SLC39A11: variants seen among roughly 807,000 people sequenced by gnomAD.
SLC39A11 encodes the protein solute carrier family 39 member 11.
SLC39A11 carries 33 observed loss-of-function variants against 36.1 expected under a neutral mutation model. The observed-to-expected ratio is 0.91, with a 90% CI of 0.69 to 1.22. The LOEUF (loss-of-function observed/expected upper bound fraction) is 1.22. Ranked by LOEUF, SLC39A11 falls within the 50% of genes most tolerant of loss-of-function variation. The pLI, the probability that SLC39A11 is intolerant of heterozygous loss-of-function variation, is 0.00. For missense variants in SLC39A11, 432 were observed against 430.3 expected (o/e 1.00, Z -0.03); for synonymous variants, 166 against 170.3 (o/e 0.97, Z 0.20).
intron 3 of SLC39A11, among the ~76,000 whole-genome samples, chr17:73,042,709 T>C (rs527748266): frequency 1.7e-4 from 26 of 152,106 alleles, no homozygotes; most frequent in African/African-American, 6.0e-4. Flanking sequence ...GCTGAGGCAG[T>C]AAGAATTGCT....
intron 4 of SLC39A11, among the ~76,000 whole-genome samples, chr17:73,024,351 T>C (rs1041919276): frequency 1.3e-5 from 2 of 152,252 alleles, no homozygotes; most frequent in South Asian, 4.1e-4. Context: ...ATCCTAAAAA[T>C]GGGGCAAAGG....
Position 72,698,272 on chromosome 17 carries a change from G to C in SLC39A11, c.671+38378C>G, listed in dbSNP as rs370647236. Among the ~76,000 whole-genome samples, 20 of 152,228 alleles carry C rather than the reference G, an allele frequency of 1.3e-4. No homozygotes were observed. The East Asian group carries it at 3.3e-3, about 25-fold the overall frequency. On this transcript the variant is annotated intron_variant, in intron 7 of 9. Coordinates refer to ENST00000255559, the MANE Select transcript of SLC39A11 (RefSeq NM_139177.4). ...AGTTGAATGTAATTATAAGATGTTA[G>C]GTTTGTCTCTAAATAGCTCAGAACT...
At chr17:72,841,351 C>T (rs571633051) in intron 6 of SLC39A11, among the ~76,000 whole-genome samples, 47 of 152,188 alleles carry the variant, frequency 3.1e-4, no homozygotes, top group Non-Finnish European at 5.4e-4. Flanking sequence ...CACACAATGG[C>T]GTATTATTCA....
At chr17:72,721,757 T>C (rs144469162) in intron 7 of SLC39A11, among the ~76,000 whole-genome samples, 20 of 151,880 alleles carry the variant, frequency 1.3e-4, no homozygotes, top group African/African-American at 4.8e-4. Flanking sequence ...ATCACTTGAG[T>C]TCAGGAGTTT....
At chr17:72,801,474 G>A (rs573020670) in intron 6 of SLC39A11, among the ~76,000 whole-genome samples, 18 of 152,218 alleles carry the variant, frequency 1.2e-4, no homozygotes, top group African/African-American at 2.4e-4. Context: ...TGATCCTCCC[G>A]CCTCAGCCTC....
At position 73,062,008 on chromosome 17, in the gene SLC39A11, CA is replaced by C. The variant is rs1375687628; in HGVS notation, c.147+22799del. Among the ~76,000 whole-genome samples the C allele has an allele frequency of 2.6e-5, 4 of 151,148 alleles. No homozygotes were observed. In the East Asian group the frequency reaches 7.8e-4, roughly 29 times the overall value. On this transcript the variant is annotated intron_variant, in intron 3 of 9. Coordinates refer to ENST00000255559, the MANE Select transcript of SLC39A11 (RefSeq NM_139177.4). The stretch of plus-strand genomic sequence containing the variant: ...ACTGAAACCCTGCCTCAAAACAAAA[CA>C]AAAAAAATCCTCTGTTCCATGACTC...
chr17:72,967,890 G>A (rs10512592), intron 4 of SLC39A11, among the ~76,000 whole-genome samples: 6,410 of 152,212 alleles, frequency 0.042, 152 homozygotes, highest in Non-Finnish European at 0.057. Context: ...TAAGGAGGGC[G>A]CTTTCCTCTC....
intron 7 of SLC39A11, among the ~76,000 whole-genome samples, chr17:72,684,491 G>A (rs988266444): frequency 5.3e-5 from 8 of 152,306 alleles, no homozygotes; most frequent in Admixed American, 2.0e-4. Context: ...TGCTAGCACC[G>A]ACCACAGTGA....
chr17:72,997,183 G>A lies in SLC39A11; in HGVS notation c.306+34373C>T, dbSNP rs182711141. On this transcript the variant is annotated intron_variant, in intron 4 of 9. Coordinates refer to ENST00000255559, the MANE Select transcript of SLC39A11 (RefSeq NM_139177.4). Reference sequence around the variant, plus strand: ...GGGTTGTCATGCAGCAATAGTTAACGAATGCATACACTTTGTGCCACAGCA... The same window carrying A: ...GGGTTGTCATGCAGCAATAGTTAACAAATGCATACACTTTGTGCCACAGCA... 3.9e-3 allele frequency among the ~76,000 whole-genome samples: 587 copies of A among 152,082 alleles called. 9 individuals carry two copies. The highest frequency in any genetic ancestry group is 0.013 in the African/African-American group (543 of 41,480).
chr17:72,831,659 C>A (rs1015073231), intron 6 of SLC39A11, among the ~76,000 whole-genome samples: 6 of 152,340 alleles, frequency 3.9e-5, no homozygotes, highest in East Asian at 1.9e-4. Context: ...AATTTCCCAA[C>A]TTTATTTCAT....
At chr17:72,714,687 T>A (rs1319242297) in intron 7 of SLC39A11, among the ~76,000 whole-genome samples, 2 of 152,222 alleles carry the variant, frequency 1.3e-5, no homozygotes, top group East Asian at 3.9e-4. Context: ...ACACCGTGTC[T>A]GTGTTGAGCC....
intron 7 of SLC39A11, among the ~76,000 whole-genome samples, chr17:72,653,110 C>CTT (rs72059767): frequency 7.8e-4 from 111 of 142,574 alleles, no homozygotes; most frequent in South Asian, 1.3e-3. Flanking sequence ...CTTTTTTTTT[C>CTT]TTTTTTTTTT....
intron 6 of SLC39A11, among the ~76,000 whole-genome samples, chr17:72,847,971 T>C (rs983304996): frequency 2.6e-5 from 4 of 152,202 alleles, no homozygotes; most frequent in African/African-American, 9.7e-5. Context: ...GGGAAGATTA[T>C]TGCTCAAACT....
At chr17:72,909,331 G>A (rs964821439) in intron 5 of SLC39A11, among the ~76,000 whole-genome samples, 3 of 152,200 alleles carry the variant, frequency 2.0e-5, no homozygotes, top group Middle Eastern at 3.2e-3. Context: ...GGAGAGTCAC[G>A]TTGCCTGTTA....
chr17:72,695,802 C>A (rs73349452), intron 7 of SLC39A11, among the ~76,000 whole-genome samples: 1 of 152,094 alleles, frequency 6.6e-6, no homozygotes, highest in Admixed American at 6.5e-5. Flanking sequence ...CGGAATGATG[C>A]GGCCACCAGC....
chr17:72,670,136 GTA>G (rs2070943046), intron 7 of SLC39A11, among the ~76,000 whole-genome samples: 1 of 129,256 alleles, frequency 7.7e-6, no homozygotes, highest in Non-Finnish European at 1.7e-5. Context: ...GTAGAGATAC[GTA>G]TACACACACA....
intron 7 of SLC39A11, among the ~76,000 whole-genome samples, chr17:72,706,551 CAAAT>C (rs1301756193): frequency 6.6e-6 from 1 of 152,166 alleles, no homozygotes; most frequent in African/African-American, 2.4e-5. Flanking sequence ...AGTGGCAAAA[CAAAT>C]AATTACTGAG....
intron 5 of SLC39A11, among the ~76,000 whole-genome samples, chr17:72,856,359 A>T (rs935529270): frequency 2.6e-5 from 4 of 152,234 alleles, no homozygotes; most frequent in African/African-American, 4.8e-5. Context: ...CTTTTGAAAG[A>T]TGCCTGCTGC....
chr17:73,088,673 A>G lies in SLC39A11; in HGVS notation c.92T>C (p.Val31Ala). The change falls in exon 2 of 10, where the codon GTA becomes GCA. Residue 31 changes from valine to alanine, a missense_variant. Val to Ala is a moderately conservative substitution (Grantham distance 64). Coordinates refer to ENST00000255559, the MANE Select transcript of SLC39A11 (RefSeq NM_139177.4). The part of the protein sequence containing the change: ...MTAAGAALVF[V>A]FSSGQRRILD... ...GCAACTCACCTGTCCACTAGAGAATACGAACACGAGAGCTGCCCCAGCTGC... is the reference window on the plus strand; with the variant it reads ...GCAACTCACCTGTCCACTAGAGAATGCGAACACGAGAGCTGCCCCAGCTGC... 6.2e-7 allele frequency: 1 copy of G among 1,612,434 alleles called. No homozygotes were observed. Among genetic ancestry groups the G allele is most frequent in the South Asian group, 1.1e-5 (1 of 90,614 alleles).
Sources: gnomAD v4.1 joint callset for allele counts (sites outside exome capture counted in the v4.1 genomes callset) on GRCh38, gnomAD v4.1.1 for gene constraint, MANE v1.5 for transcripts, NCBI Gene and HGNC (gene_info 2026-07-23, HGNC 2026-07-21) for gene names.